Variants in PHACTR2 observed in about 807,000 individuals in gnomAD.
The protein encoded by PHACTR2 is phosphatase and actin regulator 2, also known as chromosome 6 open reading frame 56.
PHACTR2 carries 30 observed loss-of-function variants against 76.0 expected under a neutral mutation model. The observed-to-expected ratio is 0.39, with a 90% CI of 0.30 to 0.54. The LOEUF is 0.54. PHACTR2 is among the 20% of genes least tolerant of loss of function. PHACTR2 has a pLI of 0.61. For missense variants in PHACTR2, 696 were observed against 781.1 expected (o/e 0.89, Z 1.30); for synonymous variants, 292 against 292.5 (o/e 1.00, Z 0.02).
chr6:143,777,914 C>A lies in PHACTR2; in HGVS notation c.1645+531C>A, dbSNP rs914142183. ...TAATTTCTCAGCACTAAAACGTTCT[C>A]CATTCATTTTCCTACTTTATTTTCC... On this transcript the variant is annotated intron_variant, in intron 9 of 12. Coordinates refer to ENST00000440869, the MANE Select transcript of PHACTR2 (RefSeq NM_001100164.2). The surrounding 1 kb of genome is among the most constrained non-coding windows in gnomAD (Gnocchi z 4.6). Among the ~76,000 whole-genome samples, 2 of 152,184 alleles carry A rather than the reference C, an allele frequency of 1.3e-5. No individual in the cohort carries two copies. The highest frequency in any genetic ancestry group is 4.8e-5 in the African/African-American group (2 of 41,450).
chr6:143,673,855 T>G (rs1777197685), upstream of PHACTR2, among the ~76,000 whole-genome samples: 1 of 151,962 alleles, frequency 6.6e-6, no homozygotes, highest in Non-Finnish European at 1.5e-5. Context: ...AGGTATTTTG[T>G]TAATCCTTTT....
rs1485305394 is a variant in PHACTR2 at position 143,679,025 on chromosome 6, A to G, written c.46+816A>G. 6.6e-6 allele frequency among the ~76,000 whole-genome samples: 1 copy of G among 152,048 alleles called. No homozygotes were observed. Among genetic ancestry groups the G allele is most frequent in the African/African-American group, 2.4e-5 (1 of 41,366 alleles). ...AAAGGTACTATTTTGATATTTTTCCATCAACGATTAAAAATAAATAATACT... is the reference window on the plus strand; with the variant it reads ...AAAGGTACTATTTTGATATTTTTCCGTCAACGATTAAAAATAAATAATACT... On this transcript the variant is annotated intron_variant, in intron 1 of 12. Coordinates refer to ENST00000440869, the MANE Select transcript of PHACTR2 (RefSeq NM_001100164.2). This position sits in a 1 kb window ranked among gnomAD's most constrained non-coding sequence, Gnocchi z 4.6.
chr6:143,584,383 G>C (rs1000300355), intron 1 of PHACTR2, among the ~76,000 whole-genome samples: 2 of 152,182 alleles, frequency 1.3e-5, no homozygotes, highest in Admixed American at 6.5e-5. Context: ...GCTACTCAGG[G>C]GGACTGAACT....
Position 143,782,312 on chromosome 6 carries a change from A to C in PHACTR2, c.1646-907A>C, listed in dbSNP as rs748625301. 6.0e-4 allele frequency among the ~76,000 whole-genome samples: 91 copies of C among 152,114 alleles called. No homozygotes were observed. Among genetic ancestry groups the C allele is most frequent in the Non-Finnish European group, 9.3e-4 (63 of 68,012 alleles). ...TTTGGTCAAGGCTTTATATGGTGTT[A>C]TTTTCCTGCAAAAGAGTTCATAATA... On this transcript the variant is annotated intron_variant, in intron 9 of 12. Transcript: ENST00000440869. This position sits in a 1 kb window ranked among gnomAD's most constrained non-coding sequence, Gnocchi z 4.6.
Position 143,662,658 on chromosome 6 carries a change from G to A in PHACTR2, c.14-49358G>A, listed in dbSNP as rs1218406590. ...TCACCTTCCTACTAGGGATGTTTCA[G>A]TTCTTATGACTACCAGGCAGTTTTG... is the stretch of plus-strand genomic sequence containing the variant. On this transcript the variant is annotated intron_variant, in intron 1 of 11. Coordinates refer to the PHACTR2 transcript ENST00000305766. The surrounding 1 kb of genome is among the most constrained non-coding windows in gnomAD (Gnocchi z 4.7). 2.6e-5 allele frequency among the ~76,000 whole-genome samples: 4 copies of A among 152,154 alleles called. No homozygotes were observed. The highest frequency in any genetic ancestry group is 5.9e-5 in the Non-Finnish European group (4 of 68,028).
At chr6:143,804,464 C>G (rs902129389) in intron 11 of PHACTR2, among the ~76,000 whole-genome samples, 11 of 152,192 alleles carry the variant, frequency 7.2e-5, no homozygotes, top group African/African-American at 2.7e-4. Flanking sequence ...CAGGACTCAC[C>G]CAGAGTCAAG....
chr6:143,789,718 C>T lies in PHACTR2; in HGVS notation c.1845+808C>T, dbSNP rs1358325625. On this transcript the variant is annotated intron_variant, in intron 11 of 12. Transcript: ENST00000440869. This position sits in a 1 kb window ranked among gnomAD's most constrained non-coding sequence, Gnocchi z 5.1. The stretch of plus-strand genomic sequence containing the variant: ...TGCTTAAACATGCCACATCTTAATG[C>T]TAAAACTAGGCATTTAATCATGCTC... 6.6e-6 allele frequency among the ~76,000 whole-genome samples: 1 copy of T among 152,112 alleles called. No individual in the cohort carries two copies. The highest frequency in any genetic ancestry group is 1.5e-5 in the Non-Finnish European group (1 of 68,020).
rs1475208476 is a variant in PHACTR2, at chr6:143,596,326, C to T, written c.217+59119C>T. On this transcript the variant is annotated intron_variant, in intron 1 of 11. Coordinates refer to the PHACTR2 transcript ENST00000367584. This position sits in a 1 kb window ranked among gnomAD's most constrained non-coding sequence, Gnocchi z 4.6. Reference sequence around the variant, plus strand: ...GGAGCGGCTAACTAAGCGGGTCGTCCTTTCTCAGAAGGTTTATTTCTTGGT... The same window carrying T: ...GGAGCGGCTAACTAAGCGGGTCGTCTTTTCTCAGAAGGTTTATTTCTTGGT... 2.0e-5 allele frequency among the ~76,000 whole-genome samples: 3 copies of T among 151,772 alleles called. No individual in the cohort carries two copies. Among genetic ancestry groups the T allele is most frequent in the African/African-American group, 7.3e-5 (3 of 41,272 alleles).
intron 2 of PHACTR2, among the ~76,000 whole-genome samples, chr6:143,745,218 G>C (rs915588496): frequency 6.6e-6 from 1 of 152,162 alleles, no homozygotes; most frequent in Non-Finnish European, 1.5e-5. Context: ...ATTCGAGCAG[G>C]CTGCAATAAC....
chr6:143,551,108 C>A (rs917198843), intron 1 of PHACTR2, among the ~76,000 whole-genome samples: 2 of 151,782 alleles, frequency 1.3e-5, no homozygotes, highest in Non-Finnish European at 2.9e-5. Flanking sequence ...AAACTCAAAT[C>A]CATTCTTTAA....
Position 143,716,124 on chromosome 6 carries a change from C to T in PHACTR2, c.214+3941C>T, listed in dbSNP as rs114987003. The stretch of plus-strand genomic sequence containing the variant: ...GGGATGTCACAGGCTGTCAGGAAGC[C>T]GAGTGACCAAGATAATGACTTTACA... On this transcript the variant is annotated intron_variant, in intron 2 of 12. Coordinates refer to ENST00000440869, the MANE Select transcript of PHACTR2 (RefSeq NM_001100164.2). Among the ~76,000 whole-genome samples the T allele has an allele frequency of 8.4e-3, 1,280 of 152,106 alleles. 26 individuals carry two copies. The highest frequency in any genetic ancestry group is 0.029 in the African/African-American group (1,212 of 41,490).
rs1775819552 is a variant in PHACTR2 at position 143,602,024 on chromosome 6, T to C, written c.217+64817T>C. On this transcript the variant is annotated intron_variant, in intron 1 of 11. Transcript: ENST00000367584. This position sits in a 1 kb window ranked among gnomAD's most constrained non-coding sequence, Gnocchi z 6.1. ...TCATTGCCTCAAGCATTTATCATTT[T>C]TTATGTTAGGAACATTCCAATTCCA... 6.6e-6 allele frequency among the ~76,000 whole-genome samples: 1 copy of C among 152,264 alleles called. No homozygotes were observed. The highest frequency in any genetic ancestry group is 2.4e-5 in the African/African-American group (1 of 41,468).
chr6:143,732,157 A>G (rs1353182506), intron 2 of PHACTR2, among the ~76,000 whole-genome samples: 1 of 152,230 alleles, frequency 6.6e-6, no homozygotes, highest in Non-Finnish European at 1.5e-5. Context: ...TTGATATACC[A>G]AACAGTTCAC....
intron 5 of PHACTR2, among the ~76,000 whole-genome samples, chr6:143,763,325 C>T (rs1411885408): frequency 6.6e-6 from 1 of 151,980 alleles, no homozygotes; most frequent in African/African-American, 2.4e-5. Context: ...TGCCACTGCA[C>T]TCCAGTCTGG....
chr6:143,608,455 T>G lies in PHACTR2; in HGVS notation c.13+133T>G. The G allele has an allele frequency of 1.2e-6, 1 of 841,066 alleles. No homozygotes were observed. The highest frequency in any genetic ancestry group is 1.4e-5 in the South Asian group (1 of 69,876). The allele number at this position is 841,066 out of a possible 1,614,324, so 52.1% of individuals were successfully genotyped here. ...GTTCAAGACTGAGACGCGTGTAATA[T>G]GTGAACCCCGATGCATTGTCCACAA... On this transcript the variant is annotated intron_variant, in intron 1 of 11. Coordinates refer to the PHACTR2 transcript ENST00000305766. This position sits in a 1 kb window ranked among gnomAD's most constrained non-coding sequence, Gnocchi z 4.6.
In PHACTR2 at chr6:143,733,041, C is replaced by A. The variant is rs1013795579; in HGVS notation, c.215-15944C>A. Among the ~76,000 whole-genome samples the A allele has an allele frequency of 6.6e-6, 1 of 152,034 alleles. No individual in the cohort carries two copies. On this transcript the variant is annotated intron_variant, in intron 2 of 12. Transcript: ENST00000440869. This position sits in a 1 kb window ranked among gnomAD's most constrained non-coding sequence, Gnocchi z 4.0. ...AGTTGCTAGGACCAAAGGCATGCACCACAACACCCAACTTAATTTTAAAAA... is the reference window on the plus strand; with the variant it reads ...AGTTGCTAGGACCAAAGGCATGCACAACAACACCCAACTTAATTTTAAAAA...
intron 2 of PHACTR2, among the ~76,000 whole-genome samples, chr6:143,717,124 A>G (rs1778321548): frequency 6.6e-6 from 1 of 152,200 alleles, no homozygotes; most frequent in African/African-American, 2.4e-5. Flanking sequence ...CTTGGACTTC[A>G]GTCATGCTGG....
rs932794744 is a variant in PHACTR2, at chr6:143,807,518, A to G, written c.1922+385A>G. Among the ~76,000 whole-genome samples the G allele has an allele frequency of 1.3e-5, 2 of 152,184 alleles. No homozygotes were observed. The highest frequency in any genetic ancestry group is 2.4e-5 in the African/African-American group (1 of 41,448). On this transcript the variant is annotated intron_variant, in intron 12 of 12. Transcript: ENST00000440869. This position sits in a 1 kb window ranked among gnomAD's most constrained non-coding sequence, Gnocchi z 5.5. The stretch of plus-strand genomic sequence containing the variant: ...AGTCTGAATCATTCCATGGGGCTAC[A>G]TTTTGGTTCCTTTCTTCGTTTTTTT...
Position 143,819,530 on chromosome 6 carries a change from T to C in PHACTR2, c.1923-4144T>C, listed in dbSNP as rs1776368571. Among the ~76,000 whole-genome samples, 1 of 152,092 alleles carries C rather than the reference T, an allele frequency of 6.6e-6. No homozygotes were observed. Among genetic ancestry groups the C allele is most frequent in the South Asian group, 2.1e-4 (1 of 4,816 alleles). On this transcript the variant is annotated intron_variant, in intron 12 of 12. Coordinates refer to ENST00000440869, the MANE Select transcript of PHACTR2 (RefSeq NM_001100164.2). The surrounding 1 kb of genome is among the most constrained non-coding windows in gnomAD (Gnocchi z 5.0). ...CAGGCTGTCGGCAACCTGGAGACCCTGAGATGCTGGTAGCCTGGCTCAGTC... is the reference window on the plus strand; with the variant it reads ...CAGGCTGTCGGCAACCTGGAGACCCCGAGATGCTGGTAGCCTGGCTCAGTC...
Sources: allele counts gnomAD v4.1 joint callset (sites outside exome capture counted in the v4.1 genomes callset), GRCh38; gene constraint gnomAD v4.1.1; non-coding constraint Gnocchi (gnomAD v3.1); transcripts MANE v1.5; gene names NCBI Gene and HGNC (gene_info 2026-07-23, HGNC 2026-07-21).